POGK: variants seen among roughly 807,000 people sequenced by gnomAD.
The protein encoded by POGK is pogo transposable element derived with KRAB domain.
In POGK, 16 loss-of-function variants were observed where a neutral mutation model predicts 54.4. That is an observed-to-expected ratio of 0.29 (90% confidence interval 0.20 to 0.45). The LOEUF is 0.45. POGK is among the 20% of genes least tolerant of loss of function. The probability of loss-of-function intolerance (pLI) is 1.00; values close to 1 mark genes in which losing one functional copy is unlikely to be tolerated. For synonymous variants in POGK, 271 were observed against 302.2 expected, an observed-to-expected ratio of 0.90 and a Z score of 1.07; for missense variants, 515 against 795.6, an observed-to-expected ratio of 0.65 and a Z score of 4.24.
chr1:166,851,679 CAATT>C (rs754774423), intron 5 of POGK: 1 of 152,174 alleles, frequency 6.6e-6, no homozygotes, highest in Non-Finnish European at 1.5e-5. Context: ...AAAGAACAAA[CAATT>C]CATTTACCTG....
chr1:166,841,933 T>G (rs1657531839), intron 2 of POGK, among the ~76,000 whole-genome samples: 1 of 152,056 alleles, frequency 6.6e-6, no homozygotes, highest in African/African-American at 2.4e-5. Flanking sequence ...CATTTGTTCT[T>G]CAAAACAGGT....
At chr1:166,846,799 C>G in intron 3 of POGK, 61 bp downstream of exon 3, 4 of 1,594,054 alleles carry the variant, frequency 2.5e-6, no homozygotes, top group Non-Finnish European at 3.4e-6. Context: ...GTTTCCATGC[C>G]TCTCTTCTCT....
intron 2 of POGK, among the ~76,000 whole-genome samples, chr1:166,845,832 C>G (rs1319449397): frequency 6.6e-6 from 1 of 152,090 alleles, no homozygotes; most frequent in African/African-American, 2.4e-5. Context: ...CTGAGGAGCC[C>G]CCTGGTGCTG....
In POGK at chr1:166,850,428, C is replaced by A. The variant is rs774730414; in HGVS notation, c.*14+5C>A. 6.3e-7 allele frequency: 1 copy of A among 1,586,182 alleles called. No homozygotes were observed. On this transcript the variant is annotated splice_donor_5th_base_variant and intron_variant, in intron 5 of 5. Transcript: ENST00000367876. ...CAACTGAAGGGAAAGGGAAAGGTAACCACTCAGGAGTAGATACTCAGTGCC... is the reference window on the plus strand; with the variant it reads ...CAACTGAAGGGAAAGGGAAAGGTAAACACTCAGGAGTAGATACTCAGTGCC...
intron 3 of POGK, 98 bp from the exon 4 acceptor site, chr1:166,847,396 A>C: frequency 1.1e-6 from 1 of 877,520 alleles, no homozygotes; most frequent in Non-Finnish European, 1.8e-6. Flanking sequence ...TTTCACAAAG[A>C]AGGGGAGAGT....
At chr1:166,843,051 A>G (rs1657580307) in intron 2 of POGK, among the ~76,000 whole-genome samples, 1 of 152,394 alleles carries the variant, frequency 6.6e-6, no homozygotes, top group African/African-American at 2.4e-5. Flanking sequence ...ATAAAATTCC[A>G]TAGAATTGAA....
chr1:166,853,454 T>C lies in POGK; in HGVS notation c.*884T>C, dbSNP rs922693625. On this transcript the variant is annotated 3_prime_UTR_variant, in exon 6 of 6. Coordinates refer to ENST00000367876, the MANE Select transcript of POGK (RefSeq NM_017542.5). Reference sequence around the variant, plus strand: ...AAGGCCCATTGACTCATCTGATGCTTGTTTTGTTAATTTCTTTAATATTTT... The same window carrying C: ...AAGGCCCATTGACTCATCTGATGCTCGTTTTGTTAATTTCTTTAATATTTT... 2.0e-5 allele frequency: 3 copies of C among 152,642 alleles called. No homozygotes were observed. The highest frequency in any genetic ancestry group is 4.4e-5 in the Non-Finnish European group (3 of 68,038). The allele number at this position is 152,642 out of a possible 1,614,324, so 9.5% of individuals were successfully genotyped here.
intron 2 of POGK, among the ~76,000 whole-genome samples, chr1:166,842,853 A>G (rs1460915168): frequency 2.0e-5 from 3 of 152,088 alleles, no homozygotes; most frequent in African/African-American, 7.2e-5. Flanking sequence ...CCACACACAC[A>G]CACACATACA....
At chr1:166,843,429 C>T (rs1262254975) in intron 2 of POGK, among the ~76,000 whole-genome samples, 2 of 152,264 alleles carry the variant, frequency 1.3e-5, no homozygotes, top group Non-Finnish European at 2.9e-5. Context: ...ATGCTAAGGC[C>T]TGAGTGGCCT....
At chr1:166,846,946 G>C (rs528846217) in intron 3 of POGK, among the ~76,000 whole-genome samples, 1 of 152,250 alleles carries the variant, frequency 6.6e-6, no homozygotes, top group African/African-American at 2.4e-5. Flanking sequence ...CCTCAGAACT[G>C]CCCCCATTCA....
chr1:166,846,542 T>G, intron 2 of POGK, 70 bp from the exon 3 acceptor site: 1 of 1,595,486 alleles, frequency 6.3e-7, no homozygotes, highest in Non-Finnish European at 8.6e-7. Flanking sequence ...GTCTGTAAGG[T>G]CCTGTCCGCT....
At chr1:166,848,532 G>T (rs1657929631) in intron 4 of POGK, among the ~76,000 whole-genome samples, 1 of 152,192 alleles carries the variant, frequency 6.6e-6, no homozygotes, top group Admixed American at 6.5e-5. Context: ...AATATTATAT[G>T]GTAGTATGGT....
chr1:166,853,900 A>G lies in POGK; in HGVS notation c.*1330A>G, dbSNP rs1431054670. The G allele has an allele frequency of 6.6e-6, 1 of 152,132 alleles. No homozygotes were observed. The highest frequency in any genetic ancestry group is 1.5e-5 in the Non-Finnish European group (1 of 68,020). 9.4% of individuals were successfully genotyped at this position (152,132 alleles called of 1,614,324 possible). A position where few individuals can be genotyped will look rare whatever the true frequency, so the allele number is the denominator to read the frequency against. ...AGGGGGGAAATTTTACTTAACCTCT[A>G]GTATTTGAACAACTCAATATTTGAA... On this transcript the variant is annotated 3_prime_UTR_variant, in exon 6 of 6. Coordinates refer to ENST00000367876, the MANE Select transcript of POGK (RefSeq NM_017542.5).
At position 166,849,633 on chromosome 1, in the gene POGK, G is replaced by T; in HGVS notation, c.1054G>T (p.Ala352Ser). 1 of 1,614,282 alleles carries T rather than the reference G, an allele frequency of 6.2e-7. No individual in the cohort carries two copies. The highest frequency in any genetic ancestry group is 8.5e-7 in the Non-Finnish European group (1 of 1,180,056). The change falls in exon 5 of 6, where the codon GCG (alanine) becomes TCG (serine). Residue 352 changes from alanine (A) to serine (S), a missense_variant. This residue lies in a region of POGK where 461 missense variants were observed against 743.5 expected (regional missense o/e 0.62). Transcript: ENST00000367876. ...YQRSVLALRR[A>S]HDYEVAQMGN... ...GCGCAGTGTCCTGGCTCTGCGCAGGGCGCATGACTATGAGGTAGCTCAGAT... is the reference window on the plus strand; with the variant it reads ...GCGCAGTGTCCTGGCTCTGCGCAGGTCGCATGACTATGAGGTAGCTCAGAT...
intron 2 of POGK, among the ~76,000 whole-genome samples, chr1:166,845,141 C>A (rs1557899046): frequency 6.6e-6 from 1 of 151,978 alleles, no homozygotes; most frequent in Non-Finnish European, 1.5e-5. Flanking sequence ...AAAACGCAAC[C>A]CCACCATTTA....
rs114752305 is a variant in POGK at position 166,854,980 on chromosome 1, C to T, written c.*2410C>T. On this transcript the variant is annotated 3_prime_UTR_variant, in exon 6 of 6. Coordinates refer to ENST00000367876, the MANE Select transcript of POGK (RefSeq NM_017542.5). ...GCTTCCTTACTCTTACTCTTCCTCC[C>T]AGAGGCATTTTGGAATGAGTCAAAG... 75 of 152,280 alleles carry T rather than the reference C, an allele frequency of 4.9e-4. No individual in the cohort carries two copies. The highest frequency in any genetic ancestry group is 1.8e-3 in the African/African-American group (73 of 41,540). The allele number at this position is 152,280 out of a possible 1,614,324, so 9.4% of individuals were successfully genotyped here. A position where few individuals can be genotyped will look rare whatever the true frequency, so the allele number is the denominator to read the frequency against.
chr1:166,841,156 TCTC>T, intron 2 of POGK, 68 bp downstream of exon 2: 4 of 1,585,046 alleles, frequency 2.5e-6, no homozygotes, highest in South Asian at 1.1e-5. Context: ...TTGCTTTAAG[TCTC>T]CTCCTCAGAC....
chr1:166,846,861 C>T, intron 3 of POGK, 123 bp downstream of exon 3: 1 of 1,318,578 alleles, frequency 7.6e-7, no homozygotes, highest in Non-Finnish European at 1.1e-6. Flanking sequence ...TCCTCAATGT[C>T]TGTGCCCATT....
Position 166,854,394 on chromosome 1 carries a change from T to G in POGK, c.*1824T>G, listed in dbSNP as rs567803003. 6.5e-6 allele frequency: 1 copy of G among 152,758 alleles called. No homozygotes were observed. Among genetic ancestry groups the G allele is most frequent in the South Asian group, 2.1e-4 (1 of 4,826 alleles). The allele number at this position is 152,758 out of a possible 1,614,324, so 9.5% of individuals were successfully genotyped here. On this transcript the variant is annotated 3_prime_UTR_variant, in exon 6 of 6. Coordinates refer to ENST00000367876, the MANE Select transcript of POGK (RefSeq NM_017542.5). ...AATGGCTGTTACCCTAGAATTACTA[T>G]AGCACATATTGAGATATAGTTGTAC... is the stretch of plus-strand genomic sequence containing the variant.
Sources: allele counts gnomAD v4.1 joint callset (sites outside exome capture counted in the v4.1 genomes callset), GRCh38; gene constraint gnomAD v4.1.1; regional missense constraint gnomAD v4.1.1; transcripts MANE v1.5; gene names NCBI Gene and HGNC (gene_info 2026-07-23, HGNC 2026-07-21).